The following KCNB2 variants were observed in gnomAD, a reference collection of about 807,000 sequenced individuals.
KCNB2 encodes the protein potassium voltage-gated channel subfamily B member 2.
Under a neutral mutation model 61.5 loss-of-function variants are expected in KCNB2, and 15 were observed. That is an observed-to-expected ratio of 0.24 (90% CI 0.16 to 0.38). The LOEUF (loss-of-function observed/expected upper bound fraction) is 0.38, where lower values mean the gene tolerates loss of function less well. Ranked by LOEUF, KCNB2 falls within the 10% of genes least tolerant of loss-of-function variation. KCNB2 has a pLI of 1.00. For synonymous variants in KCNB2, 457 were observed against 446.0 expected (o/e 1.02, Z -0.31); for missense variants, 828 against 1,125.2 (o/e 0.74, Z 3.78).
intron 2 of KCNB2, among the ~76,000 whole-genome samples, chr8:72,887,487 A>G (rs1024545951): frequency 6.6e-6 from 1 of 152,194 alleles, no homozygotes; most frequent in Non-Finnish European, 1.5e-5. Flanking sequence ...GTACGAGCTC[A>G]TCAGAAGATG....
intron 2 of KCNB2, among the ~76,000 whole-genome samples, chr8:72,789,343 G>A (rs1808897202): frequency 6.6e-6 from 1 of 152,194 alleles, no homozygotes; most frequent in Non-Finnish European, 1.5e-5. Context: ...GACCTTAGGT[G>A]AGAATTCAGT....
At chr8:72,699,163 AAAC>A (rs1057282125) in intron 2 of KCNB2, among the ~76,000 whole-genome samples, 8 of 152,146 alleles carry the variant, frequency 5.3e-5, no homozygotes, top group Admixed American at 1.3e-4. Flanking sequence ...AATAAGCAAA[AAAC>A]AACATCATTA....
chr8:72,925,734 A>G (rs757663842), intron 2 of KCNB2, among the ~76,000 whole-genome samples: 5 of 152,330 alleles, frequency 3.3e-5, no homozygotes, highest in Non-Finnish European at 5.9e-5. Context: ...CAGTAATCCC[A>G]TTACTGGGTT....
intron 2 of KCNB2, among the ~76,000 whole-genome samples, chr8:72,752,730 G>A (rs1004683088): frequency 2.0e-5 from 3 of 152,186 alleles, no homozygotes; most frequent in African/African-American, 4.8e-5. Flanking sequence ...TATCGATATA[G>A]ATATATTTCC....
chr8:72,838,763 T>C (rs1809827563), intron 2 of KCNB2, among the ~76,000 whole-genome samples: 1 of 151,848 alleles, frequency 6.6e-6, no homozygotes, highest in Non-Finnish European at 1.5e-5. Flanking sequence ...ACATGTAAAA[T>C]AAAGAAAATT....
chr8:72,672,169 C>A (rs1806575940), intron 2 of KCNB2, among the ~76,000 whole-genome samples: 1 of 152,090 alleles, frequency 6.6e-6, no homozygotes, highest in Admixed American at 6.6e-5. Flanking sequence ...GTGGCTAGAT[C>A]CAATATTCAT....
At chr8:72,913,152 T>C (rs1162679597) in intron 2 of KCNB2, among the ~76,000 whole-genome samples, 1 of 152,170 alleles carries the variant, frequency 6.6e-6, no homozygotes, top group Non-Finnish European at 1.5e-5. Context: ...ATATAAAATA[T>C]ACAGTTTCTA....
chr8:72,765,559 T>C (rs975298165), intron 2 of KCNB2, among the ~76,000 whole-genome samples: 3 of 152,236 alleles, frequency 2.0e-5, no homozygotes, highest in Non-Finnish European at 2.9e-5. Context: ...GTGTGTGTTG[T>C]CAGCAATTTT....
At chr8:72,804,786 G>T (rs771323838) in intron 2 of KCNB2, among the ~76,000 whole-genome samples, 2 of 152,190 alleles carry the variant, frequency 1.3e-5, no homozygotes, top group African/African-American at 4.8e-5. Flanking sequence ...TATGCTAACT[G>T]TTGGCACTAC....
intron 2 of KCNB2, among the ~76,000 whole-genome samples, chr8:72,581,975 G>A (rs1806905801): frequency 6.6e-6 from 1 of 152,152 alleles, no homozygotes. Context: ...TACCACTGAT[G>A]GCAGATGGAT....
At chr8:72,592,450 A>ACT (rs1036165818) in intron 2 of KCNB2, among the ~76,000 whole-genome samples, 9 of 102,830 alleles carry the variant, frequency 8.8e-5, no homozygotes, top group African/African-American at 1.9e-4. Context: ...AGAATTATCA[A>ACT]CTCTGTGTGT....
intron 2 of KCNB2, among the ~76,000 whole-genome samples, chr8:72,806,835 C>A (rs1358153088): frequency 6.6e-6 from 1 of 152,038 alleles, no homozygotes; most frequent in Non-Finnish European, 1.5e-5. Context: ...GAGAAATTAG[C>A]AAACTAATTT....
intron 2 of KCNB2, among the ~76,000 whole-genome samples, chr8:72,581,883 C>T (rs1273805808): frequency 2.6e-5 from 4 of 152,164 alleles, no homozygotes; most frequent in Non-Finnish European, 5.9e-5. Flanking sequence ...ACTGTGGGCT[C>T]TGGGAACTCT....
At chr8:72,865,690 A>T (rs1164941691) in intron 2 of KCNB2, among the ~76,000 whole-genome samples, 1 of 152,198 alleles carries the variant, frequency 6.6e-6, no homozygotes, top group Non-Finnish European at 1.5e-5. Context: ...AGAGTTGCCA[A>T]CACACTAAAC....
At chr8:72,905,904 C>T (rs1442885780) in intron 2 of KCNB2, among the ~76,000 whole-genome samples, 1 of 152,110 alleles carries the variant, frequency 6.6e-6, no homozygotes, top group Non-Finnish European at 1.5e-5. Context: ...TCAAGGGTGC[C>T]CATGAAGGAG....
intron 2 of KCNB2, among the ~76,000 whole-genome samples, chr8:72,904,248 G>A (rs1019093125): frequency 6.6e-6 from 1 of 152,278 alleles, no homozygotes; most frequent in East Asian, 1.9e-4. Context: ...TTTAAAGTGT[G>A]TATAGATCGT....
intron 1 of KCNB2, among the ~76,000 whole-genome samples, chr8:72,556,788 G>T (rs989075851): frequency 6.6e-6 from 1 of 152,084 alleles, no homozygotes; most frequent in Non-Finnish European, 1.5e-5. Context: ...TTTTGGAAGC[G>T]GTCTGCTTTG....
chr8:72,920,453 C>CTATATATATATATATATATA lies in KCNB2; in HGVS notation c.580-15479_580-15478insATATATATATATATATATAT. Reference sequence around the variant, plus strand: ...CCCCCTCTCCACTATATCTATCTATCTATCTATCTATCTATCTATCTATAT... The same window carrying CTATATATATATATATATATA: ...CCCCCTCTCCACTATATCTATCTATCTATATATATATATATATATATATCTATCTATCTATCTATCTATAT... On this transcript the variant is annotated intron_variant, in intron 2 of 2. Transcript: ENST00000523207. 1.2e-4 allele frequency among the ~76,000 whole-genome samples: 5 copies of CTATATATATATATATATATA among 43,112 alleles called. 1 individual carries two copies. The highest frequency in any genetic ancestry group is 1.3e-3 in the South Asian group (2 of 1,500). The allele number at this position is 43,112 out of a possible 152,430, so 28.3% of individuals were successfully genotyped here.
chr8:72,719,685 T>C (rs974985434), intron 2 of KCNB2, among the ~76,000 whole-genome samples: 1 of 152,130 alleles, frequency 6.6e-6, no homozygotes, highest in African/African-American at 2.4e-5. Flanking sequence ...ACTTTCCTCC[T>C]TTGCTCTGCT....
Sources: allele counts gnomAD v4.1 joint callset (sites outside exome capture counted in the v4.1 genomes callset), GRCh38; gene constraint gnomAD v4.1.1; transcripts MANE v1.5; gene names NCBI Gene and HGNC (gene_info 2026-07-23, HGNC 2026-07-21).